CTDSP1: variants seen among roughly 807,000 people sequenced by gnomAD.
The protein encoded by CTDSP1 is CTD small phosphatase 1.
A neutral mutation model predicts 32.5 loss-of-function variants in CTDSP1; 15 were observed. That is an observed-to-expected ratio of 0.46 (90% CI 0.31 to 0.71). The LOEUF is 0.71. CTDSP1 is among the 30% of genes least tolerant of loss of function. The pLI is 0.05. For missense variants in CTDSP1, 294 were observed against 351.1 expected (o/e 0.84, Z 1.30); for synonymous variants, 185 against 145.4 (o/e 1.27, Z -1.96).
At chr2:218,398,449 G>A (rs188423327), upstream of CTDSP1, 124 of 1,533,506 alleles carry the variant, frequency 8.1e-5, no homozygotes, top group African/African-American at 1.5e-3. Flanking sequence ...GGAGCAGGAG[G>A]AGGGCCGAGG....
chr2:218,402,135 C>T lies in CTDSP1; in HGVS notation c.241C>T (p.Pro81Ser), dbSNP rs1697176376. 1 of 1,613,508 alleles carries T rather than the reference C, an allele frequency of 6.2e-7. No individual in the cohort carries two copies. Among genetic ancestry groups the T allele is most frequent in the East Asian group, 2.2e-5 (1 of 44,874 alleles). ...PKQTPVQYLL[P>S]EAKAQDSDKI... ...GCAGACCCCAGTCCAATACCTGCTC[C>T]CTGAGGCCAAGGCCCAGGACTCAGA... The change falls in exon 3 of 7, where the codon CCT becomes TCT. Residue 81 changes from proline (P) to serine (S), a missense_variant. By Grantham distance (74) the Pro-to-Ser change is moderately conservative. Transcript: ENST00000273062.
chr2:218,399,917 G>GCGCCCCCTCC lies in CTDSP1; in HGVS notation c.-172_-163dup. 1 of 1,257,564 alleles carries GCGCCCCCTCC rather than the reference G, an allele frequency of 8.0e-7. No homozygotes were observed. The highest frequency in any genetic ancestry group is 1.0e-6 in the Non-Finnish European group (1 of 1,001,070). The allele number at this position is 1,257,564 out of a possible 1,614,324, so 77.9% of individuals were successfully genotyped here. ...TCCATGTTGTAACAAAGTTTCCTCC[G>GCGCCCCCTCC]CGCCCCCTCCCTCCCCCTCCCCCCT... is the stretch of plus-strand genomic sequence containing the variant. On this transcript the variant is annotated 5_prime_UTR_variant, in exon 1 of 7. Transcript: ENST00000273062.
Position 218,401,715 on chromosome 2 carries a change from G to A in CTDSP1, c.216+3G>A. ...AGGAGAATGGCGCCATCCCTAAGGT[G>A]CGTGGGGGCCAGGTGGGGCCACGGG... On this transcript the variant is annotated splice_donor_region_variant and intron_variant, in intron 2 of 6. Transcript: ENST00000273062. 1.9e-6 allele frequency: 3 copies of A among 1,563,730 alleles called. No individual in the cohort carries two copies. Among genetic ancestry groups the A allele is most frequent in the South Asian group, 2.4e-5 (2 of 83,588 alleles).
upstream of CTDSP1, among the ~76,000 whole-genome samples, chr2:218,397,698 G>C (rs1411095559): frequency 1.3e-5 from 2 of 152,158 alleles, no homozygotes; most frequent in African/African-American, 4.8e-5. Flanking sequence ...TCCACCTGTA[G>C]AGACAGAGGG....
At chr2:218,401,910 C>G (rs543297376) in intron 2 of CTDSP1, among the ~76,000 whole-genome samples, 198 bp downstream of exon 2, 16 of 152,304 alleles carry the variant, frequency 1.1e-4, no homozygotes, top group African/African-American at 3.8e-4. Flanking sequence ...AAGCTTTTTC[C>G]TACCTTGGTT....
rs1245671866 is a variant in CTDSP1, at chr2:218,400,514, G to A, written c.67+357G>A. On this transcript the variant is annotated intron_variant, in intron 1 of 6. Coordinates refer to ENST00000273062, the MANE Select transcript of CTDSP1 (RefSeq NM_021198.3). ...TGGGGGAGCTGAGGAGGGCGCCTAT[G>A]GGCCACCCGCTGAGACTCCGCCCCA... 4 of 395,992 alleles carry A rather than the reference G, an allele frequency of 1.0e-5. No homozygotes were observed. The East Asian group carries it at 2.4e-4, about 24-fold the overall frequency. The allele number at this position is 395,992 out of a possible 1,614,324, so 24.5% of individuals were successfully genotyped here. A position where few individuals can be genotyped will look rare whatever the true frequency, so the allele number is the denominator to read the frequency against.
Position 218,403,276 on chromosome 2 carries a change from C to T in CTDSP1, c.516C>T (p.Phe172=), listed in dbSNP as rs146608193. 1.5e-3 allele frequency: 2,425 copies of T among 1,613,856 alleles called. 4 individuals are homozygous for T. Among genetic ancestry groups the T allele is most frequent in the Non-Finnish European group, 1.8e-3 (2,136 of 1,179,838 alleles). ...VADLLDKWGA[F]RARLFRESCV... ...ACCTGCTGGACAAATGGGGGGCCTTCCGGGCCCGGCTGTTTCGAGAGTCCT... is the reference window on the plus strand; with the variant it reads ...ACCTGCTGGACAAATGGGGGGCCTTTCGGGCCCGGCTGTTTCGAGAGTCCT... The change falls in exon 6 of 7, where the codon TTC becomes TTT. Residue 172 remains phenylalanine (F), a synonymous_variant. Transcript: ENST00000273062.
chr2:218,401,988 A>C, intron 2 of CTDSP1, 123 bp from the exon 3 acceptor site: 1 of 742,952 alleles, frequency 1.3e-6, no homozygotes, highest in Non-Finnish European at 2.3e-6. Flanking sequence ...AAAGCTGGGA[A>C]GGGGGAAGTA....
Position 218,401,620 on chromosome 2 carries a change from C to A in CTDSP1, c.124C>A (p.Leu42Ile). 6.2e-7 allele frequency: 1 copy of A among 1,613,890 alleles called. No individual in the cohort carries two copies. The highest frequency in any genetic ancestry group is 8.5e-7 in the Non-Finnish European group (1 of 1,179,926). The change falls in exon 2 of 7, where the codon CTC (leucine) becomes ATC (isoleucine). Residue 42 changes from leucine to isoleucine, a missense_variant. This residue lies in a region of CTDSP1 where 148 missense variants were observed against 113.3 expected (regional missense o/e 1.31). Coordinates refer to ENST00000273062, the MANE Select transcript of CTDSP1 (RefSeq NM_021198.3). ...KPRSRGILHS[L>I]FCCVCRDDGE... Reference sequence around the variant, plus strand: ...CCGAAGCCGGGGCATCCTCCACTCACTCTTCTGCTGTGTCTGCCGGGATGA... The same window carrying A: ...CCGAAGCCGGGGCATCCTCCACTCAATCTTCTGCTGTGTCTGCCGGGATGA...
chr2:218,403,156 C>T (rs1697239179), intron 5 of CTDSP1, 29 bp downstream of exon 5: 1 of 1,613,402 alleles, frequency 6.2e-7, no homozygotes, highest in Non-Finnish European at 8.5e-7. Flanking sequence ...CCGGGGCAAC[C>T]CTGCCCTCCT....
chr2:218,402,254 G>C (rs1359582312), intron 3 of CTDSP1, 39 bp downstream of exon 3: 1 of 1,610,816 alleles, frequency 6.2e-7, no homozygotes, highest in African/African-American at 1.3e-5. Context: ...GGGTCTCGGG[G>C]GGCATCCCCC....
chr2:218,401,302 C>A, intron 1 of CTDSP1: 1 of 543,070 alleles, frequency 1.8e-6, no homozygotes. Flanking sequence ...CACCCCAGGA[C>A]CTCCTTCTCC....
rs79742489 is a variant in CTDSP1 at position 218,401,302 on chromosome 2, C to T, written c.68-262C>T. ...GAGGCAGGGAGAGAGCACCCCAGGA[C>T]CTCCTTCTCCAGGCCACGCACTCCC... On this transcript the variant is annotated intron_variant, in intron 1 of 6. Transcript: ENST00000273062. The T allele has an allele frequency of 7.2e-3, 3,896 of 543,042 alleles. 42 individuals carry two copies. The highest frequency in any genetic ancestry group is 0.03 in the Middle Eastern group (60 of 1,988). The allele number at this position is 543,042 out of a possible 1,614,324, so 33.6% of individuals were successfully genotyped here.
chr2:218,401,516 T>C (rs1482769962), intron 1 of CTDSP1, 48 bp from the exon 2 acceptor site: 1 of 1,605,942 alleles, frequency 6.2e-7, no homozygotes, highest in East Asian at 2.2e-5. Flanking sequence ...TGCAGGATTC[T>C]GCAGGCCAGT....
intron 4 of CTDSP1, 60 bp downstream of exon 4, chr2:218,402,465 C>G (rs1297816163): frequency 3.3e-6 from 5 of 1,528,126 alleles, no homozygotes; most frequent in South Asian, 1.2e-5. Flanking sequence ...CTAGGCTCTT[C>G]CCACCAATCC....
chr2:218,400,999 G>T, intron 1 of CTDSP1: 1 of 444,306 alleles, frequency 2.3e-6, no homozygotes, highest in Non-Finnish European at 4.5e-6. Flanking sequence ...AGGGGTATCT[G>T]TCAATCAGGC....
At chr2:218,398,190 G>A (rs1204235621), upstream of CTDSP1, 2 of 550,682 alleles carry the variant, frequency 3.6e-6, no homozygotes, top group Middle Eastern at 4.1e-4. Context: ...CAGGGGGCCG[G>A]ACCGCAGGGG....
intron 6 of CTDSP1, 118 bp from the exon 7 acceptor site, chr2:218,404,179 T>G: frequency 7.8e-7 from 1 of 1,284,952 alleles, no homozygotes. Flanking sequence ...GTTTGAACAC[T>G]GTGGGTGAGG....
chr2:218,401,235 C>T (rs1238213229), intron 1 of CTDSP1: 4 of 415,632 alleles, frequency 9.6e-6, no homozygotes, highest in Non-Finnish European at 1.8e-5. Context: ...GGTCAGGAGG[C>T]ACCGCAATGG....
Sources: allele counts gnomAD v4.1 joint callset (sites outside exome capture counted in the v4.1 genomes callset), GRCh38; gene constraint gnomAD v4.1.1; regional missense constraint gnomAD v4.1.1; transcripts MANE v1.5; gene names NCBI Gene and HGNC (gene_info 2026-07-23, HGNC 2026-07-21).